Variants in OSBPL6 observed in about 807,000 individuals in gnomAD.
The protein encoded by OSBPL6 is oxysterol binding protein like 6, also known as oxysterol-binding protein-related protein 6.
In OSBPL6, 49 loss-of-function variants were observed where a neutral mutation model predicts 125.8. The observed-to-expected ratio is 0.39, with a 90% confidence interval of 0.31 to 0.49. The LOEUF is 0.49. Among genes scored for constraint, OSBPL6 ranks in the 20% least tolerant of loss-of-function variants. OSBPL6 has a pLI of 0.88. For missense variants in OSBPL6, 986 were observed against 1,135.4 expected, an observed-to-expected ratio of 0.87 and a Z score of 1.89; for synonymous variants, 394 against 391.8, an observed-to-expected ratio of 1.01 and a Z score of -0.07.
Position 178,331,557 on chromosome 2 carries a change from T to C in OSBPL6, c.324T>C (p.Phe108=). The C allele has an allele frequency of 3.7e-6, 6 of 1,614,128 alleles. No individual in the cohort carries two copies. The highest frequency in any genetic ancestry group is 1.3e-5 in the African/African-American group (1 of 75,048). ...KWPLKGWHKR[F]FVLDNGMLKY... ...GGGGTGTTTGGTTCTTGCAGCGTTT[T>C]TTTGTCCTGGATAATGGAATGTTAA... The change falls in exon 6 of 25, where the codon TTT becomes TTC. Residue 108 remains phenylalanine, a synonymous_variant. Coordinates refer to ENST00000190611, the MANE Select transcript of OSBPL6 (RefSeq NM_032523.4).
intron 1 of OSBPL6, among the ~76,000 whole-genome samples, chr2:178,231,362 C>T (rs966955829): frequency 2.6e-5 from 4 of 152,090 alleles, no homozygotes; most frequent in South Asian, 2.1e-4. Flanking sequence ...AAGATGGAGC[C>T]GCCATTTTGA....
At chr2:178,291,809 CCATCCATCCATCCATCCATT>C (rs1430132716) in intron 2 of OSBPL6, among the ~76,000 whole-genome samples, 4,303 of 149,782 alleles carry the variant, frequency 0.029, 97 homozygotes, top group Non-Finnish European at 0.044. Context: ...ATCCATCCAT[CCATCCATCCATCCATCCATT>C]CATCCTTGAT....
chr2:178,222,852 CAT>C (rs2090399593), intron 1 of OSBPL6, among the ~76,000 whole-genome samples: 1 of 152,088 alleles, frequency 6.6e-6, no homozygotes. Flanking sequence ...GTTAAATACT[CAT>C]ATTTTCTTCT....
chr2:178,278,143 T>G (rs1165843480), intron 1 of OSBPL6, among the ~76,000 whole-genome samples: 1 of 152,242 alleles, frequency 6.6e-6, no homozygotes, highest in Non-Finnish European at 1.5e-5. Flanking sequence ...GCCCATTTTC[T>G]GCCTGATCTA....
chr2:178,207,433 C>A (rs1463098502), intron 1 of OSBPL6, among the ~76,000 whole-genome samples: 2 of 152,168 alleles, frequency 1.3e-5, no homozygotes, highest in African/African-American at 4.8e-5. Flanking sequence ...CTCTCAGTAT[C>A]CTTCACTTAA....
chr2:178,302,186 C>G (rs1196375406), intron 2 of OSBPL6, among the ~76,000 whole-genome samples: 2 of 152,278 alleles, frequency 1.3e-5, no homozygotes, highest in Admixed American at 6.5e-5. Context: ...AATGTTACAG[C>G]ACTTAGCAAT....
intron 1 of OSBPL6, among the ~76,000 whole-genome samples, chr2:178,210,827 C>A (rs988477903): frequency 6.3e-4 from 85 of 135,106 alleles, no homozygotes; most frequent in South Asian, 1.7e-3. Flanking sequence ...AAAAAAAACA[C>A]ACACACACAC....
At chr2:178,393,676 T>C (rs1659150704) in intron 23 of OSBPL6, among the ~76,000 whole-genome samples, 1 of 152,252 alleles carries the variant, frequency 6.6e-6, no homozygotes, top group Non-Finnish European at 1.5e-5. Flanking sequence ...TTTTGAAATG[T>C]AAGCATTTGT....
chr2:178,303,700 C>T (rs1402036531), intron 2 of OSBPL6, among the ~76,000 whole-genome samples: 1 of 152,166 alleles, frequency 6.6e-6, no homozygotes, highest in Non-Finnish European at 1.5e-5. Context: ...CATGACTTTC[C>T]CATGGATCTT....
intron 1 of OSBPL6, among the ~76,000 whole-genome samples, chr2:178,266,261 A>G (rs1211665400): frequency 6.6e-6 from 1 of 152,150 alleles, no homozygotes; most frequent in Non-Finnish European, 1.5e-5. Context: ...AGCCCCATAT[A>G]TGTGTGTTTC....
rs201996314 is a variant in OSBPL6, at chr2:178,239,333, A to C, written c.-351+44659A>C. On this transcript the variant is annotated intron_variant, in intron 1 of 24. Transcript: ENST00000190611. ...ACAGTGGCTCACACCTTCAATCCTA[A>C]CACTTCCTTGAGCCCAGGAGTTCAA... Among the ~76,000 whole-genome samples, 17 of 152,254 alleles carry C rather than the reference A, an allele frequency of 1.1e-4. No homozygotes were observed. The East Asian group carries it at 3.1e-3, about 28-fold the overall frequency.
chr2:178,362,779 G>A (rs1258778707), intron 13 of OSBPL6, among the ~76,000 whole-genome samples: 1 of 152,068 alleles, frequency 6.6e-6, no homozygotes, highest in Non-Finnish European at 1.5e-5. Flanking sequence ...TTGTTATATG[G>A]GCCACACTTT....
chr2:178,247,041 A>G lies in OSBPL6; in HGVS notation c.-350-37886A>G, dbSNP rs113524171. On this transcript the variant is annotated intron_variant, in intron 1 of 24. Coordinates refer to ENST00000190611, the MANE Select transcript of OSBPL6 (RefSeq NM_032523.4). The stretch of plus-strand genomic sequence containing the variant: ...ACCCCCCCATGTTATTGTGTACTCA[A>G]CTTCTCACCATTTCCCAAATGCCTT... 5.8e-3 allele frequency among the ~76,000 whole-genome samples: 757 copies of G among 129,670 alleles called. 11 individuals carry two copies. Among genetic ancestry groups the G allele is most frequent in the African/African-American group, 0.023 (722 of 31,688 alleles). The allele number at this position is 129,670 out of a possible 152,430, so 85.1% of individuals were successfully genotyped here.
At chr2:178,265,873 A>G (rs183458257) in intron 1 of OSBPL6, among the ~76,000 whole-genome samples, 6 of 152,136 alleles carry the variant, frequency 3.9e-5, no homozygotes, top group African/African-American at 1.4e-4. Flanking sequence ...AAACTTGCAG[A>G]CTAGTGGGTA....
chr2:178,338,964 G>A (rs763108390), intron 9 of OSBPL6, 27 bp from the exon 10 acceptor site: 19 of 1,545,518 alleles, frequency 1.2e-5, no homozygotes, highest in Admixed American at 5.2e-5. Context: ...CAATTTTAAC[G>A]TATTTTTATT....
chr2:178,200,595 T>G (rs2089195470), intron 1 of OSBPL6, among the ~76,000 whole-genome samples: 1 of 151,958 alleles, frequency 6.6e-6, no homozygotes, highest in Non-Finnish European at 1.5e-5. Flanking sequence ...TGATGTAACT[T>G]TCTTCCTTTT....
At chr2:178,292,895 AG>A (rs1226548760) in intron 2 of OSBPL6, among the ~76,000 whole-genome samples, 1 of 152,154 alleles carries the variant, frequency 6.6e-6, no homozygotes, top group African/African-American at 2.4e-5. Flanking sequence ...TGAGAACTGC[AG>A]GGTGATTTGC....
intron 2 of OSBPL6, among the ~76,000 whole-genome samples, chr2:178,305,262 A>G (rs566344046): frequency 4.6e-5 from 7 of 152,284 alleles, no homozygotes; most frequent in Admixed American, 2.6e-4. Flanking sequence ...ACCTTTTAAC[A>G]TTTTTTAGCA....
At chr2:178,311,519 G>C (rs543489956) in intron 3 of OSBPL6, among the ~76,000 whole-genome samples, 12 of 152,184 alleles carry the variant, frequency 7.9e-5, no homozygotes, top group Non-Finnish European at 1.3e-4. Context: ...TGAAAACAGG[G>C]TTTTATTTCA....
Sources: gnomAD v4.1 joint callset for allele counts (sites outside exome capture counted in the v4.1 genomes callset) on GRCh38, gnomAD v4.1.1 for gene constraint, MANE v1.5 for transcripts, NCBI Gene and HGNC (gene_info 2026-07-23, HGNC 2026-07-21) for gene names.